CNTN4: variants seen among roughly 807,000 people sequenced by gnomAD.
The protein encoded by CNTN4 is contactin 4, also known as contactin-4.
In CNTN4, 77 loss-of-function variants were observed where a neutral mutation model predicts 122.5. The observed-to-expected ratio is 0.63, with a 90% confidence interval of 0.52 to 0.76. The LOEUF is 0.76. Among genes scored for constraint, CNTN4 ranks in the 30% least tolerant of loss-of-function variants. The pLI, the probability that CNTN4 is intolerant of heterozygous loss-of-function variation, is 0.00. For missense variants in CNTN4, 1,256 were observed against 1,259.1 expected, an observed-to-expected ratio of 1.00 and a Z score of 0.04; for synonymous variants, 512 against 447.0, an observed-to-expected ratio of 1.15 and a Z score of -1.83.
chr3:2,261,213 T>C (rs182715587), intron 2 of CNTN4, among the ~76,000 whole-genome samples: 87 of 152,334 alleles, frequency 5.7e-4, no homozygotes, highest in Admixed American at 3.5e-3. Context: ...TTTGGTGTTA[T>C]GTAGTTACTC....
At chr3:3,036,660 A>T (rs1699634011) in intron 17 of CNTN4, among the ~76,000 whole-genome samples, 1 of 151,860 alleles carries the variant, frequency 6.6e-6, no homozygotes, top group Non-Finnish European at 1.5e-5. Flanking sequence ...CCTGCTACTC[A>T]GGAGGCTGAG....
At chr3:2,615,354 A>T (rs932493322) in intron 4 of CNTN4, among the ~76,000 whole-genome samples, 1 of 152,194 alleles carries the variant, frequency 6.6e-6, no homozygotes, top group Non-Finnish European at 1.5e-5. Context: ...TAAACCTTGC[A>T]GGTGTCAGTG....
intron 3 of CNTN4, among the ~76,000 whole-genome samples, chr3:2,470,616 G>C (rs1046853808): frequency 1.3e-5 from 2 of 151,998 alleles, no homozygotes; most frequent in Non-Finnish European, 2.9e-5. Context: ...ACCATGAGAG[G>C]CCAACAGACA....
chr3:2,797,562 C>A (rs992494809), intron 6 of CNTN4, among the ~76,000 whole-genome samples: 1 of 152,144 alleles, frequency 6.6e-6, no homozygotes, highest in African/African-American at 2.4e-5. Context: ...CGCGCCACTG[C>A]ACTCCAGCCT....
intron 2 of CNTN4, among the ~76,000 whole-genome samples, chr3:2,184,737 G>A (rs2037169824): frequency 1.3e-5 from 2 of 152,124 alleles, no homozygotes; most frequent in Non-Finnish European, 2.9e-5. Flanking sequence ...CAGCAACAGG[G>A]CACCATCTTG....
At chr3:2,961,231 CAAAAAA>C (rs59790353) in intron 13 of CNTN4, among the ~76,000 whole-genome samples, 1 of 37,262 alleles carries the variant, frequency 2.7e-5, no homozygotes, top group East Asian at 1.6e-3. Flanking sequence ...CTCCATCTCA[CAAAAAA>C]AAAAAAAAAA....
At chr3:2,798,760 C>A (rs1013818452) in intron 6 of CNTN4, among the ~76,000 whole-genome samples, 1 of 152,148 alleles carries the variant, frequency 6.6e-6, no homozygotes. Flanking sequence ...CTGCACCCAC[C>A]TCAACCTCAC....
At chr3:2,301,670 G>A (rs1038407171) in intron 2 of CNTN4, among the ~76,000 whole-genome samples, 3 of 152,122 alleles carry the variant, frequency 2.0e-5, no homozygotes, top group African/African-American at 7.2e-5. Flanking sequence ...AGTAACTTGG[G>A]GAATAATACA....
chr3:2,447,099 T>C (rs916251128), intron 3 of CNTN4, among the ~76,000 whole-genome samples: 3 of 152,208 alleles, frequency 2.0e-5, no homozygotes, highest in African/African-American at 7.2e-5. Flanking sequence ...CTCTACTAAC[T>C]GCCTTCTATT....
chr3:2,658,316 C>A (rs1253819231), intron 4 of CNTN4, among the ~76,000 whole-genome samples: 1 of 151,912 alleles, frequency 6.6e-6, no homozygotes, highest in Non-Finnish European at 1.5e-5. Context: ...CCCAATAAAA[C>A]CCTGTCTTAC....
intron 4 of CNTN4, among the ~76,000 whole-genome samples, chr3:2,574,553 C>T (rs761277672): frequency 2.3e-4 from 35 of 152,066 alleles, no homozygotes; most frequent in Non-Finnish European, 4.6e-4. Context: ...CAGTGTCTGG[C>T]AATAATTTTC....
intron 3 of CNTN4, among the ~76,000 whole-genome samples, chr3:2,383,041 C>T (rs940551791): frequency 6.6e-6 from 1 of 151,288 alleles, no homozygotes. Flanking sequence ...TGCCACTGCA[C>T]TCCAGCCTGG....
intron 2 of CNTN4, among the ~76,000 whole-genome samples, chr3:2,322,698 TC>T: frequency 1.3e-5 from 2 of 152,272 alleles, no homozygotes; most frequent in Middle Eastern, 6.8e-3. Context: ...ATGTTAGCTC[TC>T]CACAATAAAA....
intron 10 of CNTN4, among the ~76,000 whole-genome samples, chr3:2,896,115 C>A (rs2094112211): frequency 6.6e-6 from 1 of 152,044 alleles, no homozygotes; most frequent in East Asian, 1.9e-4. Context: ...AATCTGAATT[C>A]AAGGAGAAAA....
At chr3:2,276,873 T>A (rs1457472915) in intron 2 of CNTN4, among the ~76,000 whole-genome samples, 1 of 151,988 alleles carries the variant, frequency 6.6e-6, no homozygotes, top group Non-Finnish European at 1.5e-5. Flanking sequence ...CCGAGATCGC[T>A]CCACTGCACT....
intron 3 of CNTN4, chr3:2,511,296 A>G (rs568945970): frequency 1.3e-5 from 2 of 152,332 alleles, no homozygotes; most frequent in African/African-American, 2.4e-5. Context: ...GCCTCTGTGT[A>G]TTTTTGAAAG....
intron 13 of CNTN4, among the ~76,000 whole-genome samples, chr3:2,961,572 C>G (rs2094859729): frequency 6.6e-6 from 1 of 152,178 alleles, no homozygotes; most frequent in Non-Finnish European, 1.5e-5. Flanking sequence ...ATTTTCCTCA[C>G]TGCCTGTTAT....
intron 3 of CNTN4, among the ~76,000 whole-genome samples, chr3:2,414,960 C>A (rs1216866142): frequency 6.6e-6 from 1 of 152,134 alleles, no homozygotes; most frequent in Non-Finnish European, 1.5e-5. Context: ...TTGCAAAACT[C>A]TTCTGATATT....
At chr3:2,523,173 G>T (rs2149166806) in intron 3 of CNTN4, among the ~76,000 whole-genome samples, 2 of 152,080 alleles carry the variant, frequency 1.3e-5, no homozygotes, top group Middle Eastern at 6.8e-3. Context: ...GAATGTTCTG[G>T]AGTATTATGA....
Sources: allele counts gnomAD v4.1 joint callset (sites outside exome capture counted in the v4.1 genomes callset), GRCh38; gene constraint gnomAD v4.1.1; transcripts MANE v1.5; gene names NCBI Gene and HGNC (gene_info 2026-07-23, HGNC 2026-07-21).